Variants in ZBTB7C observed in about 807,000 individuals in gnomAD.
ZBTB7C encodes the protein zinc finger and BTB domain-containing protein 7C.
In ZBTB7C, 8 loss-of-function variants were observed where a neutral mutation model predicts 25.7. The observed-to-expected ratio is 0.31, with a 90% CI of 0.18 to 0.56. The LOEUF (loss-of-function observed/expected upper bound fraction) is 0.56. Among genes scored for constraint, ZBTB7C ranks in the 20% least tolerant of loss-of-function variants. The pLI, the probability that ZBTB7C is intolerant of heterozygous loss-of-function variation, is 0.91. For missense variants in ZBTB7C, 824 were observed against 855.2 expected, an observed-to-expected ratio of 0.96 and a Z score of 0.46; for synonymous variants, 394 against 369.0, an observed-to-expected ratio of 1.07 and a Z score of -0.78.
At chr18:48,292,282 TA>T (rs2144692823) in intron 2 of ZBTB7C, among the ~76,000 whole-genome samples, 1 of 152,292 alleles carries the variant, frequency 6.6e-6, no homozygotes, top group African/African-American at 2.4e-5. Context: ...AATTCCTCGT[TA>T]AAGCAAGTGC....
intron 3 of ZBTB7C, chr18:48,076,840 G>T: frequency 1.6e-6 from 1 of 641,278 alleles, no homozygotes; most frequent in Non-Finnish European, 1.9e-6. Flanking sequence ...GATTGCAGGA[G>T]AATGTAGTCA....
At chr18:48,143,418 A>G (rs1197572476) in intron 3 of ZBTB7C, among the ~76,000 whole-genome samples, 2 of 152,214 alleles carry the variant, frequency 1.3e-5, no homozygotes, top group Non-Finnish European at 2.9e-5. Flanking sequence ...AAAAAAATGC[A>G]CTAAGAACCT....
chr18:48,078,038 C>G (rs78570740), intron 3 of ZBTB7C, among the ~76,000 whole-genome samples: 2,752 of 152,198 alleles, frequency 0.018, 69 homozygotes, highest in African/African-American at 0.059. Context: ...GCCCCCCATA[C>G]CATGACTCTC....
intron 2 of ZBTB7C, among the ~76,000 whole-genome samples, chr18:48,288,010 C>T (rs1310157179): frequency 6.6e-6 from 1 of 152,162 alleles, no homozygotes; most frequent in Non-Finnish European, 1.5e-5. Flanking sequence ...ACAAGGCTGT[C>T]CACCATCTCT....
intron 2 of ZBTB7C, among the ~76,000 whole-genome samples, chr18:48,303,863 A>G (rs890689137): frequency 1.3e-4 from 20 of 152,314 alleles, no homozygotes; most frequent in African/African-American, 4.6e-4. Context: ...AAAGTCAAGG[A>G]TAGTTTTACC....
chr18:48,150,677 G>T (rs2040649621), intron 3 of ZBTB7C: 3 of 151,954 alleles, frequency 2.0e-5, no homozygotes, highest in African/African-American at 4.8e-5. Context: ...CTATGGCCTT[G>T]TCCAAGGCTG....
chr18:48,315,654 C>T (rs1264681936), intron 2 of ZBTB7C, among the ~76,000 whole-genome samples: 1 of 152,176 alleles, frequency 6.6e-6, no homozygotes, highest in East Asian at 1.9e-4. Flanking sequence ...CCCACACTCC[C>T]GGTAGGAAGG....
At chr18:48,186,756 G>A (rs1473920806) in intron 2 of ZBTB7C, among the ~76,000 whole-genome samples, 1 of 152,174 alleles carries the variant, frequency 6.6e-6, no homozygotes, top group Non-Finnish European at 1.5e-5. Context: ...TGCATACGTG[G>A]ATTTTTGGAG....
At chr18:48,081,300 C>T (rs1389389492) in intron 3 of ZBTB7C, among the ~76,000 whole-genome samples, 1 of 152,162 alleles carries the variant, frequency 6.6e-6, no homozygotes, top group Non-Finnish European at 1.5e-5. Flanking sequence ...CTGCACCTTG[C>T]ACTCAGGTTT....
chr18:48,356,657 G>A (rs770332738), intron 1 of ZBTB7C, among the ~76,000 whole-genome samples: 16 of 152,158 alleles, frequency 1.1e-4, no homozygotes, highest in South Asian at 4.1e-4. Flanking sequence ...AGATCCCAGC[G>A]CCACTCTGGA....
At chr18:48,080,792 C>T (rs1018493088) in intron 3 of ZBTB7C, among the ~76,000 whole-genome samples, 1 of 152,182 alleles carries the variant, frequency 6.6e-6, no homozygotes, top group Non-Finnish European at 1.5e-5. Context: ...AACCCCAGAG[C>T]CCATGAGGCC....
chr18:48,163,196 C>T (rs2144967468), intron 3 of ZBTB7C, among the ~76,000 whole-genome samples: 1 of 152,288 alleles, frequency 6.6e-6, no homozygotes, highest in South Asian at 2.1e-4. Flanking sequence ...ATGAAAAGGA[C>T]AGTTGGAAAA....
At chr18:48,179,802 TCCTTATTTCCTTCCTTCCTCCCTTC>T (rs2041831667) in intron 3 of ZBTB7C, among the ~76,000 whole-genome samples, 14 of 136,762 alleles carry the variant, frequency 1.0e-4, no homozygotes, top group South Asian at 2.6e-4. Context: ...CTCCCTTCCT[TCCTTATTTCCTTCCTTCCTCCCTTC>T]CCTTCAAGGA....
At chr18:48,268,221 C>G (rs1226510345) in intron 2 of ZBTB7C, among the ~76,000 whole-genome samples, 1 of 152,170 alleles carries the variant, frequency 6.6e-6, no homozygotes, top group African/African-American at 2.4e-5. Context: ...TTCTCCAGCC[C>G]CATGTCATTC....
chr18:48,149,871 T>TCGGC (rs1345264398), intron 3 of ZBTB7C: 2 of 149,686 alleles, frequency 1.3e-5, no homozygotes, highest in African/African-American at 4.9e-5. Flanking sequence ...TGGTGTAATC[T>TCGGC]CGGCTCACTG....
chr18:48,254,238 G>C (rs192793983), intron 2 of ZBTB7C, among the ~76,000 whole-genome samples: 1 of 152,170 alleles, frequency 6.6e-6, no homozygotes, highest in African/African-American at 2.4e-5. Flanking sequence ...GGTGAATGCC[G>C]GCAGCAAAAT....
chr18:48,098,765 A>T (rs1008855114), intron 3 of ZBTB7C, among the ~76,000 whole-genome samples: 5 of 152,200 alleles, frequency 3.3e-5, no homozygotes, highest in African/African-American at 4.8e-5. Flanking sequence ...TAGGACAGCC[A>T]ATCAGGCTCA....
intron 2 of ZBTB7C, among the ~76,000 whole-genome samples, chr18:48,269,664 C>G (rs559841798): frequency 2.6e-4 from 40 of 152,322 alleles, no homozygotes; most frequent in South Asian, 1.0e-3. Flanking sequence ...GTTAACCTCT[C>G]AAATTACAAG....
intron 3 of ZBTB7C, among the ~76,000 whole-genome samples, chr18:48,118,008 T>TC (rs2144704245): frequency 6.6e-6 from 1 of 150,748 alleles, no homozygotes; most frequent in East Asian, 1.9e-4. Flanking sequence ...CTTCTTTTTT[T>TC]TTTTTTTTTT....
Sources: gnomAD v4.1 joint callset for allele counts (sites outside exome capture counted in the v4.1 genomes callset) on GRCh38, gnomAD v4.1.1 for gene constraint, MANE v1.5 for transcripts, NCBI Gene and HGNC (gene_info 2026-07-23, HGNC 2026-07-21) for gene names.